Variants in TM4SF18 observed in about 807,000 individuals in gnomAD.
TM4SF18 encodes the protein transmembrane 4 L6 family member 18.
A neutral mutation model predicts 23.8 loss-of-function variants in TM4SF18; 22 were observed. The ratio of observed to expected loss-of-function variants is 0.92; its 90% CI spans 0.66 to 1.32. The LOEUF (loss-of-function observed/expected upper bound fraction) is 1.32, where lower values mean the gene tolerates loss of function less well. TM4SF18 is among the 40% of genes most tolerant of loss of function. The pLI, the probability that TM4SF18 is intolerant of heterozygous loss-of-function variation, is 0.00. For synonymous variants in TM4SF18, 87 were observed against 87.9 expected, an observed-to-expected ratio of 0.99 and a Z score of 0.06; for missense variants, 255 against 240.3, an observed-to-expected ratio of 1.06 and a Z score of -0.41.
rs1197061186 is a variant in TM4SF18, at chr3:149,320,920, A to G, written c.*558T>C. On this transcript the variant is annotated 3_prime_UTR_variant, in exon 6 of 6. Coordinates refer to ENST00000296059, the MANE Select transcript of TM4SF18 (RefSeq NM_138786.4). The stretch of plus-strand genomic sequence containing the variant: ...CCTAAACTTTGACTATTAGTGTTTC[A>G]TTTGCTTTAAATAGTTATATAGTAA... 6.6e-6 allele frequency: 1 copy of G among 152,068 alleles called. No homozygotes were observed. Among genetic ancestry groups the G allele is most frequent in the Non-Finnish European group, 1.5e-5 (1 of 67,976 alleles). The allele number at this position is 152,068 out of a possible 1,614,324, so 9.4% of individuals were successfully genotyped here.
chr3:149,327,458 C>G (rs1381469041), intron 3 of TM4SF18, among the ~76,000 whole-genome samples: 2 of 132,008 alleles, frequency 1.5e-5, no homozygotes, highest in African/African-American at 2.9e-5. Flanking sequence ...AAATGAGTAG[C>G]TGGAGATGAA....
intron 3 of TM4SF18, among the ~76,000 whole-genome samples, chr3:149,326,352 A>G (rs1412177827): frequency 6.6e-6 from 1 of 152,158 alleles, no homozygotes; most frequent in Non-Finnish European, 1.5e-5. Flanking sequence ...AGAATACTTA[A>G]TGGGTGTGGT....
Position 149,324,959 on chromosome 3 carries a change from A to G in TM4SF18, c.331T>C (p.Ser111Pro), listed in dbSNP as rs754150803. ...IAFSGYCLVISALGLVQGPYC... is the reference protein window; with the variant it reads ...IAFSGYCLVIPALGLVQGPYC... ...GGCCCTTGGACAAGACCCAAGGCAG[A>G]GATGACCAGGCAGTATCCAGAAAAA... is the stretch of plus-strand genomic sequence containing the variant. The change falls in exon 4 of 6, where the codon TCT becomes CCT. Residue 111 changes from serine (S) to proline (P), a missense_variant. Physicochemically the swap from Ser to Pro is moderately conservative, Grantham distance 74 (BLOSUM62 -1). Transcript: ENST00000296059. 9.3e-6 allele frequency: 15 copies of G among 1,614,108 alleles called. No homozygotes were observed. In the African/African-American group the frequency reaches 9.3e-5, roughly 10 times the overall value.
chr3:149,321,975 G>A (rs973195891), intron 5 of TM4SF18, among the ~76,000 whole-genome samples: 6 of 152,138 alleles, frequency 3.9e-5, no homozygotes, highest in Non-Finnish European at 8.8e-5. Context: ...TTATCTCTAT[G>A]TAGAACACTA....
intron 4 of TM4SF18, 40 bp from the exon 5 acceptor site, chr3:149,322,476 A>G: frequency 6.4e-7 from 1 of 1,555,360 alleles, no homozygotes; most frequent in East Asian, 2.3e-5. Context: ...ACTGGGTCCA[A>G]GGAAGAAAGC....
chr3:149,327,431 A>T (rs994073638), intron 3 of TM4SF18, among the ~76,000 whole-genome samples: 1 of 151,744 alleles, frequency 6.6e-6, no homozygotes, highest in Non-Finnish European at 1.5e-5. Context: ...ACATTGGAGG[A>T]AAACACATTA....
intron 3 of TM4SF18, among the ~76,000 whole-genome samples, chr3:149,328,245 G>T (rs1317023436): frequency 6.6e-6 from 1 of 152,156 alleles, no homozygotes; most frequent in Non-Finnish European, 1.5e-5. Context: ...TCAGTGTCTG[G>T]TGAGGGCTCA....
At chr3:149,322,119 A>G (rs1182867235) in intron 5 of TM4SF18, 137 bp downstream of exon 5, 1 of 718,258 alleles carries the variant, frequency 1.4e-6, no homozygotes, top group African/African-American at 1.8e-5. Context: ...TTGAGATATT[A>G]GAGCTTGAAT....
chr3:149,326,340 C>T (rs141290379), intron 3 of TM4SF18, among the ~76,000 whole-genome samples: 11 of 152,094 alleles, frequency 7.2e-5, no homozygotes, highest in South Asian at 4.1e-4. Context: ...AACATTTTAG[C>T]GAGAATACTT....
intron 4 of TM4SF18, among the ~76,000 whole-genome samples, chr3:149,322,973 G>A (rs1482413392): frequency 1.3e-5 from 2 of 149,032 alleles, no homozygotes; most frequent in African/African-American, 2.5e-5. Flanking sequence ...GCGCATCTTC[G>A]CTCACTGCAA....
intron 3 of TM4SF18, among the ~76,000 whole-genome samples, chr3:149,328,958 T>G (rs557160466): frequency 1.6e-4 from 25 of 152,316 alleles, no homozygotes; most frequent in Admixed American, 2.0e-4. Flanking sequence ...GTGCTAGAAG[T>G]GCTAATAGTG....
intron 4 of TM4SF18, among the ~76,000 whole-genome samples, chr3:149,322,720 C>T (rs891852517): frequency 2.0e-5 from 3 of 151,906 alleles, no homozygotes; most frequent in Non-Finnish European, 4.4e-5. Flanking sequence ...CTTTTTTACT[C>T]TTTCCCCACC....
chr3:149,330,353 C>T lies in TM4SF18; in HGVS notation c.244G>A (p.Glu82Lys), dbSNP rs1731062734. 6.2e-7 allele frequency: 1 copy of T among 1,612,608 alleles called. No homozygotes were observed. The highest frequency in any genetic ancestry group is 8.5e-7 in the Non-Finnish European group (1 of 1,179,140). The change falls in exon 3 of 6, where the codon GAA (glutamate) becomes AAA (lysine). Residue 82 changes from glutamate to lysine, a missense_variant. By Grantham distance (56) the Glu-to-Lys change is moderately conservative. Coordinates refer to ENST00000296059, the MANE Select transcript of TM4SF18 (RefSeq NM_138786.4). ...NNNNYKCCQS[E>K]NCSKKYVTLL... Reference sequence around the variant, plus strand: ...ACCACATATTTTTTGCTGCAGTTTTCACTCTGGCAACATTTATAGTTGTTA... The same window carrying T: ...ACCACATATTTTTTGCTGCAGTTTTTACTCTGGCAACATTTATAGTTGTTA...
chr3:149,330,686 G>A (rs747212389), intron 2 of TM4SF18, among the ~76,000 whole-genome samples: 3 of 152,160 alleles, frequency 2.0e-5, no homozygotes, highest in African/African-American at 7.2e-5. Flanking sequence ...TATTATCATG[G>A]TTAGCAACCA....
chr3:149,328,371 A>G (rs898828414), intron 3 of TM4SF18, among the ~76,000 whole-genome samples: 1 of 152,186 alleles, frequency 6.6e-6, no homozygotes, highest in East Asian at 1.9e-4. Flanking sequence ...GAGCCATCAT[A>G]ACTTAGTCAC....
rs1487896817 is a variant in TM4SF18 at position 149,333,275 on chromosome 3, G to A, written c.108C>T (p.Ser36=). ...ILLYFPNGQT[S]YASSNKLTNY... The stretch of plus-strand genomic sequence containing the variant: ...TGGTGAGTTTATTGCTGGATGCATA[G>A]GAAGTTTGCCCATTCGGGAAATACA... The change falls in exon 2 of 6, where the codon TCC becomes TCT. Residue 36 remains serine (S), a synonymous_variant. Coordinates refer to ENST00000296059, the MANE Select transcript of TM4SF18 (RefSeq NM_138786.4). 1 of 1,613,744 alleles carries A rather than the reference G, an allele frequency of 6.2e-7. No homozygotes were observed. The highest frequency in any genetic ancestry group is 1.3e-5 in the African/African-American group (1 of 74,892).
intron 3 of TM4SF18, among the ~76,000 whole-genome samples, chr3:149,327,028 C>T (rs1333728859): frequency 6.6e-6 from 1 of 152,178 alleles, no homozygotes; most frequent in Admixed American, 6.5e-5. Flanking sequence ...TGGCTCACTG[C>T]AACCTCCACC....
intron 3 of TM4SF18, among the ~76,000 whole-genome samples, chr3:149,325,807 C>T (rs996121492): frequency 1.3e-5 from 2 of 152,114 alleles, no homozygotes; most frequent in Non-Finnish European, 2.9e-5. Context: ...TCCTTCAGGG[C>T]AAGGGACTTC....
chr3:149,327,588 A>G (rs1249954775), intron 3 of TM4SF18, among the ~76,000 whole-genome samples: 1 of 152,184 alleles, frequency 6.6e-6, no homozygotes, highest in Non-Finnish European at 1.5e-5. Flanking sequence ...GCAGGGTGAG[A>G]GTAGGCAGCA....
Sources: gnomAD v4.1 joint callset for allele counts (sites outside exome capture counted in the v4.1 genomes callset) on GRCh38, gnomAD v4.1.1 for gene constraint, MANE v1.5 for transcripts, NCBI Gene and HGNC (gene_info 2026-07-23, HGNC 2026-07-21) for gene names.